The following NBEA variants were observed in gnomAD, a reference collection of about 807,000 sequenced individuals.
NBEA encodes the protein neurobeachin.
A neutral mutation model predicts 343.4 loss-of-function variants in NBEA; 44 were observed. The ratio of observed to expected loss-of-function variants is 0.13; its 90% CI spans 0.10 to 0.16. The LOEUF (loss-of-function observed/expected upper bound fraction) is 0.16, where lower values mean the gene tolerates loss of function less well. Among genes scored for constraint, NBEA ranks in the 10% least tolerant of loss-of-function variants. The probability of loss-of-function intolerance (pLI) is 1.00; values close to 1 mark genes in which losing one functional copy is unlikely to be tolerated. For missense variants in NBEA, 2,555 were observed against 3,631.3 expected, an observed-to-expected ratio of 0.70 and a Z score of 7.62; for synonymous variants, 1,175 against 1,238.7, an observed-to-expected ratio of 0.95 and a Z score of 1.08.
chr13:35,188,577 T>C (rs1284848146), intron 30 of NBEA, among the ~76,000 whole-genome samples: 2 of 152,210 alleles, frequency 1.3e-5, no homozygotes, highest in Admixed American at 6.6e-5. Flanking sequence ...TTTCTTTTTT[T>C]ATGGGTGAAT....
chr13:35,634,238 G>T (rs1433566684), intron 49 of NBEA, among the ~76,000 whole-genome samples: 1 of 152,094 alleles, frequency 6.6e-6, no homozygotes, highest in Non-Finnish European at 1.5e-5. Context: ...AGCTACTCGG[G>T]AGGCTGAGGC....
At chr13:35,444,350 T>G (rs1363509977) in intron 39 of NBEA, among the ~76,000 whole-genome samples, 2 of 152,048 alleles carry the variant, frequency 1.3e-5, no homozygotes, top group African/African-American at 2.4e-5. Context: ...AAAAGGTATT[T>G]GTTGCTCAGA....
At chr13:35,171,560 T>A (rs2070463456) in intron 26 of NBEA, 108 bp downstream of exon 26, 1 of 890,724 alleles carries the variant, frequency 1.1e-6, no homozygotes, top group Non-Finnish European at 1.6e-6. Flanking sequence ...GATTATATAA[T>A]ATGGAGATTA....
intron 12 of NBEA, among the ~76,000 whole-genome samples, chr13:35,109,934 AAT>A (rs2152657331): frequency 6.6e-6 from 1 of 151,682 alleles, no homozygotes; most frequent in East Asian, 1.9e-4. Flanking sequence ...TGAAATCAAT[AAT>A]GAGGGATATT....
At chr13:35,432,902 A>C (rs1403539440) in intron 39 of NBEA, among the ~76,000 whole-genome samples, 3 of 151,986 alleles carry the variant, frequency 2.0e-5, no homozygotes, top group African/African-American at 7.2e-5. Flanking sequence ...ATATATTAAA[A>C]AAGTTTTATT....
chr13:35,118,705 G>C (rs1445440850), intron 16 of NBEA, among the ~76,000 whole-genome samples: 3 of 152,012 alleles, frequency 2.0e-5, no homozygotes, highest in East Asian at 1.9e-4. Flanking sequence ...CTATAGTAAG[G>C]ACATTACAAA....
At chr13:35,596,932 T>C (rs2081832211) in intron 47 of NBEA, among the ~76,000 whole-genome samples, 2 of 151,402 alleles carry the variant, frequency 1.3e-5, no homozygotes, top group South Asian at 4.2e-4. Flanking sequence ...AGATGGCAGC[T>C]TTAAAACCTT....
At chr13:35,545,629 C>A (rs1054042908) in intron 41 of NBEA, among the ~76,000 whole-genome samples, 5 of 152,162 alleles carry the variant, frequency 3.3e-5, no homozygotes, top group African/African-American at 4.8e-5. Context: ...AAATGATATT[C>A]TTTGACATAC....
chr13:35,375,474 ATAT>A (rs1257239702), intron 38 of NBEA, among the ~76,000 whole-genome samples: 3 of 152,122 alleles, frequency 2.0e-5, no homozygotes, highest in African/African-American at 7.2e-5. Flanking sequence ...TCAAAAAATA[ATAT>A]TATATCAATC....
chr13:35,411,869 C>A (rs1221750192), intron 38 of NBEA, among the ~76,000 whole-genome samples: 1 of 152,004 alleles, frequency 6.6e-6, no homozygotes, highest in Non-Finnish European at 1.5e-5. Flanking sequence ...TATTTGTAAA[C>A]TTCTGATTTC....
At chr13:35,015,892 G>A (rs999619740) in intron 1 of NBEA, among the ~76,000 whole-genome samples, 2 of 152,034 alleles carry the variant, frequency 1.3e-5, no homozygotes. Context: ...TTCACAAAGT[G>A]CAGTTATAAT....
chr13:35,557,802 TAGC>T (rs1277515210), intron 44 of NBEA, among the ~76,000 whole-genome samples: 1 of 152,174 alleles, frequency 6.6e-6, no homozygotes, highest in African/African-American at 2.4e-5. Context: ...TGCATGAGCT[TAGC>T]AGAGGGGAGG....
At chr13:35,271,846 TG>T (rs1566548335) in intron 34 of NBEA, among the ~76,000 whole-genome samples, 1 of 152,120 alleles carries the variant, frequency 6.6e-6, no homozygotes, top group Non-Finnish European at 1.5e-5. Flanking sequence ...CCAAGAAATA[TG>T]GGACTATGTG....
intron 35 of NBEA, among the ~76,000 whole-genome samples, chr13:35,293,172 G>A (rs1334036669): frequency 6.6e-6 from 1 of 151,880 alleles, no homozygotes; most frequent in Admixed American, 6.6e-5. Context: ...AGTGTCTGAA[G>A]GTACTTGTCA....
intron 36 of NBEA, among the ~76,000 whole-genome samples, chr13:35,327,632 G>T (rs911320313): frequency 6.6e-6 from 1 of 151,880 alleles, no homozygotes; most frequent in Non-Finnish European, 1.5e-5. Context: ...ACTTGAGGAG[G>T]GAGAGAGAGC....
At chr13:35,564,918 A>G (rs904585527) in intron 44 of NBEA, among the ~76,000 whole-genome samples, 4 of 152,214 alleles carry the variant, frequency 2.6e-5, no homozygotes, top group Admixed American at 1.3e-4. Flanking sequence ...ATGCATATCC[A>G]TTCCATCAAC....
chr13:35,012,467 C>G (rs200105685), intron 1 of NBEA, among the ~76,000 whole-genome samples: 1 of 152,078 alleles, frequency 6.6e-6, no homozygotes, highest in Admixed American at 6.5e-5. Context: ...GGAACACATT[C>G]AAGCCATACC....
intron 38 of NBEA, among the ~76,000 whole-genome samples, chr13:35,398,929 A>G (rs946740241): frequency 3.9e-5 from 6 of 152,128 alleles, no homozygotes; most frequent in East Asian, 3.8e-4. Context: ...TTCTCCCTAT[A>G]TAAGGCTGTT....
At chr13:35,569,981 C>A (rs2080319518) in intron 45 of NBEA, among the ~76,000 whole-genome samples, 1 of 152,196 alleles carries the variant, frequency 6.6e-6, no homozygotes, top group African/African-American at 2.4e-5. Flanking sequence ...ACTGTTTCTA[C>A]AGTAACTGAA....
Sources: gnomAD v4.1 joint callset for allele counts (sites outside exome capture counted in the v4.1 genomes callset) on GRCh38, gnomAD v4.1.1 for gene constraint, MANE v1.5 for transcripts, NCBI Gene and HGNC (gene_info 2026-07-23, HGNC 2026-07-21) for gene names.